Variants in HOOK1 observed in about 807,000 individuals in gnomAD.
HOOK1 encodes the protein hook microtubule tethering protein 1, also known as protein Hook homolog 1.
A neutral mutation model predicts 112.8 loss-of-function variants in HOOK1; 60 were observed. The ratio of observed to expected loss-of-function variants is 0.53; its 90% CI spans 0.43 to 0.66. The LOEUF is 0.66. Ranked by LOEUF, HOOK1 falls within the 30% of genes least tolerant of loss-of-function variation. The pLI is 0.00. For missense variants in HOOK1, 770 were observed against 856.0 expected, an observed-to-expected ratio of 0.90 and a Z score of 1.25; for synonymous variants, 294 against 283.8, an observed-to-expected ratio of 1.04 and a Z score of -0.36.
intron 8 of HOOK1, 144 bp downstream of exon 8, chr1:59,840,535 G>C (rs1574194879): frequency 2.4e-6 from 1 of 417,972 alleles, no homozygotes; most frequent in Non-Finnish European, 4.2e-6. Flanking sequence ...TTATAGGCTT[G>C]AATATTCAAG....
intron 5 of HOOK1, among the ~76,000 whole-genome samples, chr1:59,834,147 C>T (rs1230277993): frequency 2.6e-5 from 4 of 152,078 alleles, no homozygotes; most frequent in Non-Finnish European, 4.4e-5. Context: ...GGGCTTTAAT[C>T]CGTTTCGGTG....
Position 59,828,764 on chromosome 1 carries a change from TTTG to T in HOOK1, c.150-7_150-5del, listed in dbSNP as rs2098391757. ...AAACATTTTCATCTTTAGTATTTTTTTTGTTGTTGTTTCAGTGATGCAGCTTGG... is the reference window on the plus strand; with the variant it reads ...AAACATTTTCATCTTTAGTATTTTTTTTGTTGTTTCAGTGATGCAGCTTGG... On this transcript the variant is annotated splice_polypyrimidine_tract_variant and intron_variant, in intron 2 of 21. Coordinates refer to ENST00000371208, the MANE Select transcript of HOOK1 (RefSeq NM_015888.6). 1.2e-6 allele frequency: 2 copies of T among 1,607,550 alleles called. No homozygotes were observed. The highest frequency in any genetic ancestry group is 1.7e-6 in the Non-Finnish European group (2 of 1,177,622).
intron 15 of HOOK1, among the ~76,000 whole-genome samples, chr1:59,861,684 A>G (rs773501717): frequency 2.0e-5 from 3 of 152,158 alleles, no homozygotes; most frequent in Non-Finnish European, 2.9e-5. Context: ...GATCCTCCAT[A>G]ATGAACTCTC....
intron 5 of HOOK1, among the ~76,000 whole-genome samples, chr1:59,833,855 A>G (rs147317376): frequency 1.1e-3 from 174 of 152,300 alleles, no homozygotes; most frequent in African/African-American, 3.8e-3. Context: ...CATTATGTCT[A>G]TTTTACATGT....
chr1:59,815,023 T>A lies in HOOK1; in HGVS notation c.-95T>A. ...GGTCGGGCCTGGTACCGAGCTTTCC[T>A]GGGGGCTAGCAGGTCGTGGACGCCG... On this transcript the variant is annotated 5_prime_UTR_variant, in exon 1 of 22. Transcript: ENST00000371208. 7.6e-7 allele frequency: 1 copy of A among 1,309,524 alleles called. No homozygotes were observed. The highest frequency in any genetic ancestry group is 1.1e-6 in the Non-Finnish European group (1 of 942,938). 81.1% of individuals were successfully genotyped at this position (1,309,524 alleles called of 1,614,324 possible). A position where few individuals can be genotyped will look rare whatever the true frequency, so the allele number is the denominator to read the frequency against.
intron 15 of HOOK1, among the ~76,000 whole-genome samples, chr1:59,860,897 C>T (rs1401921961): frequency 6.6e-6 from 1 of 152,030 alleles, no homozygotes; most frequent in East Asian, 1.9e-4. Context: ...CCTCACCCTC[C>T]CAAGTAGATG....
At chr1:59,859,077 A>T (rs1559059654) in intron 14 of HOOK1, 32 bp downstream of exon 14, 1 of 1,034,988 alleles carries the variant, frequency 9.7e-7, no homozygotes, top group Non-Finnish European at 1.3e-6. Flanking sequence ...ATAGAATTAT[A>T]TTTAATATTA....
chr1:59,831,940 G>A lies in HOOK1; in HGVS notation c.223-223G>A, dbSNP rs143499731. Among the ~76,000 whole-genome samples, 14 of 152,282 alleles carry A rather than the reference G, an allele frequency of 9.2e-5. No individual in the cohort carries two copies. The Middle Eastern group carries it at 0.01, about 111-fold the overall frequency. On this transcript the variant is annotated intron_variant, in intron 3 of 21. Coordinates refer to ENST00000371208, the MANE Select transcript of HOOK1 (RefSeq NM_015888.6). The stretch of plus-strand genomic sequence containing the variant: ...GTATAAATTTTTACAGTGGGCCCTT[G>A]AGTTCATTGTGACCCACTTTAAATA...
Position 59,828,841 on chromosome 1 carries a change from T to A in HOOK1, c.211T>A (p.Trp71Arg), listed in dbSNP as rs763414060. 1 of 1,612,916 alleles carries A rather than the reference T, an allele frequency of 6.2e-7. No individual in the cohort carries two copies. Among genetic ancestry groups the A allele is most frequent in the East Asian group, 2.2e-5 (1 of 44,806 alleles). ...SRIKEDVGDN[W>R]RIKASNVKKV... ...AATTAAAGAGGATGTTGGGGACAACTGGAGAATAAAGGTATGCAGAACAAA... is the reference window on the plus strand; with the variant it reads ...AATTAAAGAGGATGTTGGGGACAACAGGAGAATAAAGGTATGCAGAACAAA... Residue 71 changes from tryptophan (W) to arginine (R), a missense_variant, in exon 3 of 22, where the codon TGG becomes AGG. Coordinates refer to ENST00000371208, the MANE Select transcript of HOOK1 (RefSeq NM_015888.6).
chr1:59,840,348 A>T lies in HOOK1; in HGVS notation c.578A>T (p.Glu193Val). ...GAAGAACTTCAGGAAGCACTAGCAG[A>T]AAAAGAAGAGCTGAGGCAAAGATGT... ...ALEELQEALA[E>V]KEELRQRCEE... is the part of the protein sequence containing the mutation. The change falls in exon 8 of 22, where the codon GAA (glutamate) becomes GTA (valine). Residue 193 changes from glutamate to valine, a missense_variant. Glu to Val is a moderately radical substitution (Grantham distance 121). This residue lies in a region of HOOK1 where 655 missense variants were observed against 725.9 expected (regional missense o/e 0.90). Coordinates refer to ENST00000371208, the MANE Select transcript of HOOK1 (RefSeq NM_015888.6). The T allele has an allele frequency of 3.1e-6, 5 of 1,600,906 alleles. No individual in the cohort carries two copies. The highest frequency in any genetic ancestry group is 4.3e-6 in the Non-Finnish European group (5 of 1,174,162).
chr1:59,852,142 C>T (rs188039647), intron 12 of HOOK1, among the ~76,000 whole-genome samples: 1 of 151,622 alleles, frequency 6.6e-6, no homozygotes, highest in Admixed American at 6.6e-5. Context: ...GAGGTCATAC[C>T]TGGTTTTGGT....
chr1:59,871,709 T>C (rs1644057654), intron 21 of HOOK1, among the ~76,000 whole-genome samples: 1 of 152,248 alleles, frequency 6.6e-6, no homozygotes, highest in Non-Finnish European at 1.5e-5. Flanking sequence ...TTCTTTTGCA[T>C]TATTCTAGTC....
At chr1:59,824,406 C>T (rs375085671) in intron 2 of HOOK1, among the ~76,000 whole-genome samples, 2 of 152,090 alleles carry the variant, frequency 1.3e-5, no homozygotes, top group African/African-American at 4.8e-5. Flanking sequence ...TGGGGTTTCA[C>T]CATGTTGGTC....
At chr1:59,819,927 A>T (rs900152055) in intron 1 of HOOK1, among the ~76,000 whole-genome samples, 6 of 152,094 alleles carry the variant, frequency 3.9e-5, no homozygotes, top group Non-Finnish European at 8.8e-5. Flanking sequence ...ATCTCCTCTC[A>T]GTCAATATTA....
At chr1:59,853,177 CGTT>C (rs1157113832) in intron 12 of HOOK1, among the ~76,000 whole-genome samples, 1 of 151,980 alleles carries the variant, frequency 6.6e-6, no homozygotes, top group Non-Finnish European at 1.5e-5. Context: ...TACCTTGAAT[CGTT>C]GTGTATAGTT....
chr1:59,860,710 G>T (rs1370600590), intron 15 of HOOK1, among the ~76,000 whole-genome samples: 1 of 151,476 alleles, frequency 6.6e-6, no homozygotes, highest in Non-Finnish European at 1.5e-5. Context: ...TCGGCCTCCT[G>T]AATAGCTGCA....
chr1:59,845,513 T>C (rs1202990759), intron 9 of HOOK1, among the ~76,000 whole-genome samples: 1 of 151,924 alleles, frequency 6.6e-6, no homozygotes, highest in Non-Finnish European at 1.5e-5. Flanking sequence ...AGTTGTTCGA[T>C]GTGCTTTCTG....
At chr1:59,822,006 AC>A in intron 2 of HOOK1, 63 bp downstream of exon 2, 1 of 1,308,572 alleles carries the variant, frequency 7.6e-7, no homozygotes, top group Admixed American at 1.7e-5. Flanking sequence ...AAGGAAGAAA[AC>A]TTGGACTTGA....
intron 1 of HOOK1, among the ~76,000 whole-genome samples, chr1:59,821,259 A>T (rs2098385396): frequency 6.6e-6 from 1 of 152,204 alleles, no homozygotes; most frequent in Admixed American, 6.5e-5. Context: ...CAATATATAC[A>T]TGAATATTTA....
Sources: allele counts gnomAD v4.1 joint callset (sites outside exome capture counted in the v4.1 genomes callset), GRCh38; gene constraint gnomAD v4.1.1; regional missense constraint gnomAD v4.1.1; transcripts MANE v1.5; gene names NCBI Gene and HGNC (gene_info 2026-07-23, HGNC 2026-07-21).